HNF1B: variants seen among roughly 807,000 people sequenced by gnomAD.
HNF1B encodes HNF1 homeobox B, also known as hepatocyte nuclear factor 1-beta.
In HNF1B, 8 loss-of-function variants were observed where a neutral mutation model predicts 61.7. That is an observed-to-expected ratio of 0.13 (90% CI 0.08 to 0.23). HNF1B has a LOEUF of 0.23. HNF1B is among the 10% of genes least tolerant of loss of function. The pLI, the probability that HNF1B is intolerant of heterozygous loss-of-function variation, is 1.00. For missense variants in HNF1B, 562 were observed against 714.5 expected, an observed-to-expected ratio of 0.79 and a Z score of 2.43; for synonymous variants, 314 against 287.7, an observed-to-expected ratio of 1.09 and a Z score of -0.93.
chr17:37,729,724 A>G (rs1211274035), intron 4 of HNF1B: 1 of 152,284 alleles, frequency 6.6e-6, no homozygotes, highest in Non-Finnish European at 1.5e-5. Context: ...GTGGGAAAGT[A>G]TGGAGTGGGA....
intron 2 of HNF1B, among the ~76,000 whole-genome samples, chr17:37,736,575 C>T (rs1255950788): frequency 6.6e-6 from 1 of 152,134 alleles, no homozygotes; most frequent in Non-Finnish European, 1.5e-5. Flanking sequence ...CTGTGCATCA[C>T]CTCTCACTAA....
chr17:37,687,111 CCCACCT>C lies in HNF1B; in HGVS notation c.*255_*260del. Reference sequence around the variant, plus strand: ...CTTCCTCTTCGGAGGTTCCTTGTCTCCCACCTCCAGGACAGACAGGAGTCCTTGACA... The same window carrying C: ...CTTCCTCTTCGGAGGTTCCTTGTCTCCCAGGACAGACAGGAGTCCTTGACA... On this transcript the variant is annotated 3_prime_UTR_variant, in exon 9 of 9. Transcript: ENST00000617811. 1 of 625,954 alleles carries C rather than the reference CCCACCT, an allele frequency of 1.6e-6. No homozygotes were observed. Among genetic ancestry groups the C allele is most frequent in the Non-Finnish European group, 2.9e-6 (1 of 350,224 alleles). 38.8% of individuals were successfully genotyped at this position (625,954 alleles called of 1,614,324 possible).
In HNF1B at chr17:37,699,200, G is replaced by C. The variant is rs1373821018; in HGVS notation, c.1535-6C>G. ...TTCCTGCTTGTGTGCGTACACTGGAGAGACAGAGTGAAGACAGAATCAAGG... is the reference window on the plus strand; with the variant it reads ...TTCCTGCTTGTGTGCGTACACTGGACAGACAGAGTGAAGACAGAATCAAGG... On this transcript the variant is annotated splice_region_variant and splice_polypyrimidine_tract_variant and intron_variant, in intron 7 of 8. Coordinates refer to ENST00000617811, the MANE Select transcript of HNF1B (RefSeq NM_000458.4). 1.9e-6 allele frequency: 3 copies of C among 1,605,038 alleles called. No homozygotes were observed. Among genetic ancestry groups the C allele is most frequent in the Non-Finnish European group, 2.6e-6 (3 of 1,171,714 alleles).
At chr17:37,731,269 C>T (rs988312071) in intron 4 of HNF1B, 4 of 491,468 alleles carry the variant, frequency 8.1e-6, no homozygotes, top group African/African-American at 7.7e-5. Flanking sequence ...TTGGATCTGG[C>T]CCACCCATAA....
intron 8 of HNF1B, among the ~76,000 whole-genome samples, chr17:37,694,082 C>T (rs930779328): frequency 1.1e-4 from 16 of 152,262 alleles, no homozygotes; most frequent in African/African-American, 3.6e-4. Flanking sequence ...TATAGTGATG[C>T]AAATGGACTA....
chr17:37,707,092 T>C (rs771537255), intron 5 of HNF1B, among the ~76,000 whole-genome samples: 1 of 151,668 alleles, frequency 6.6e-6, no homozygotes, highest in African/African-American at 2.4e-5. Context: ...TTACTTCCCA[T>C]TCTAAAATGC....
At chr17:37,724,237 C>T (rs1046792119) in intron 4 of HNF1B, among the ~76,000 whole-genome samples, 1 of 152,100 alleles carries the variant, frequency 6.6e-6, no homozygotes, top group African/African-American at 2.4e-5. Flanking sequence ...TAACACCCCC[C>T]ACCCCAGGGA....
At chr17:37,697,339 G>C (rs746987754) in intron 8 of HNF1B, among the ~76,000 whole-genome samples, 4 of 152,212 alleles carry the variant, frequency 2.6e-5, no homozygotes, top group Non-Finnish European at 5.9e-5. Context: ...GGGACATGGA[G>C]ACAATGTCAC....
chr17:37,716,114 A>C (rs2033100754), intron 4 of HNF1B, among the ~76,000 whole-genome samples: 1 of 152,152 alleles, frequency 6.6e-6, no homozygotes. Context: ...GTGCCACTGC[A>C]CTCCAGCCTG....
chr17:37,702,004 G>C (rs1395117586), intron 6 of HNF1B, among the ~76,000 whole-genome samples: 2 of 152,080 alleles, frequency 1.3e-5, no homozygotes, highest in Non-Finnish European at 2.9e-5. Context: ...TGGATCCCCT[G>C]GTACCCATGC....
intron 4 of HNF1B, among the ~76,000 whole-genome samples, chr17:37,718,842 C>CTG (rs1205683050): frequency 6.6e-6 from 1 of 152,228 alleles, no homozygotes; most frequent in African/African-American, 2.4e-5. Context: ...TGCTTAAACT[C>CTG]TGACTGATGA....
Position 37,699,134 on chromosome 17 carries a change from A to C in HNF1B, c.1595T>G (p.Met532Arg). The C allele has an allele frequency of 6.2e-7, 1 of 1,614,080 alleles. No individual in the cohort carries two copies. The highest frequency in any genetic ancestry group is 2.2e-5 in the East Asian group (1 of 44,874). ...GATGCTGCTGGTATCTGTGACCACC[A>C]TTGCAGATGGAAACCGGGAGGTGTG... ...YSHTSRFPSA[M>R]VVTDTSSIST... Residue 532 changes from methionine to arginine, a missense_variant, in exon 8 of 9, where the codon ATG becomes AGG. Physicochemically the swap from Met to Arg is moderately conservative, Grantham distance 91. This residue lies in a region of HNF1B where 64 missense variants were observed against 96.9 expected (regional missense o/e 0.66). Transcript: ENST00000617811.
At chr17:37,701,315 T>A (rs144633128) in intron 6 of HNF1B, 138 bp from the exon 7 acceptor site, 65 of 815,958 alleles carry the variant, frequency 8.0e-5, no homozygotes, top group African/African-American at 7.8e-4. Flanking sequence ...GGGAGGCAAG[T>A]GTAAAGAAAC....
At chr17:37,718,559 G>A (rs1038173492) in intron 4 of HNF1B, among the ~76,000 whole-genome samples, 1 of 152,196 alleles carries the variant, frequency 6.6e-6, no homozygotes, top group East Asian at 1.9e-4. Flanking sequence ...GGGTCTCCCA[G>A]CAAGTCCGTG....
Position 37,687,227 on chromosome 17 carries a change from G to GC in HNF1B, c.*144dup. ...CTCCTGAGAGTGGATTGTCTGAGGT[G>GC]CCAGCAGGACGTCCGTCAGGTAAGC... On this transcript the variant is annotated 3_prime_UTR_variant, in exon 9 of 9. Transcript: ENST00000617811. 2.2e-6 allele frequency: 3 copies of GC among 1,335,084 alleles called. No individual in the cohort carries two copies. Among genetic ancestry groups the GC allele is most frequent in the Non-Finnish European group, 3.2e-6 (3 of 944,204 alleles). The allele number at this position is 1,335,084 out of a possible 1,614,324, so 82.7% of individuals were successfully genotyped here. A position where few individuals can be genotyped will look rare whatever the true frequency, so the allele number is the denominator to read the frequency against.
chr17:37,732,059 G>A (rs1028073351), intron 3 of HNF1B, among the ~76,000 whole-genome samples: 6 of 152,162 alleles, frequency 3.9e-5, no homozygotes, highest in Non-Finnish European at 7.3e-5. Context: ...AGGCTATGCC[G>A]CCCTGGGAGT....
Position 37,731,368 on chromosome 17 carries a change from C to T in HNF1B, c.1045+227G>A. ...GGAGACAAATAGGGTAAAGGGCTCC[C>T]TGGAAGCCGAGTGAGCCCTCACAGG... is the stretch of plus-strand genomic sequence containing the variant. On this transcript the variant is annotated intron_variant, in intron 4 of 8. Coordinates refer to ENST00000617811, the MANE Select transcript of HNF1B (RefSeq NM_000458.4). The T allele has an allele frequency of 6.1e-6, 4 of 659,116 alleles. No individual in the cohort carries two copies. In the East Asian group the frequency reaches 1.1e-4, roughly 18 times the overall value. 40.8% of individuals were successfully genotyped at this position (659,116 alleles called of 1,614,324 possible).
intron 4 of HNF1B, chr17:37,730,564 C>G (rs1234126166): frequency 6.6e-6 from 1 of 152,328 alleles, no homozygotes; most frequent in Non-Finnish European, 1.5e-5. Flanking sequence ...TGGCTCCGAG[C>G]CTGTCTTGGT....
chr17:37,711,139 C>CCCTTGACCCATGTGAT (rs2032923333), intron 4 of HNF1B, among the ~76,000 whole-genome samples: 1 of 152,130 alleles, frequency 6.6e-6, no homozygotes, highest in African/African-American at 2.4e-5. Context: ...ACCCATGTGA[C>CCCTTGACCCATGTGAT]GAAGAAGAAG....
Sources: allele counts gnomAD v4.1 joint callset (sites outside exome capture counted in the v4.1 genomes callset), GRCh38; gene constraint gnomAD v4.1.1; regional missense constraint gnomAD v4.1.1; transcripts MANE v1.5; gene names NCBI Gene and HGNC (gene_info 2026-07-23, HGNC 2026-07-21).